The following KLF7 variants were observed in gnomAD, a reference collection of about 807,000 sequenced individuals.
KLF7 encodes Krueppel-like factor 7.
A neutral mutation model predicts 27.3 loss-of-function variants in KLF7; 2 were observed. The observed-to-expected ratio is 0.07, with a 90% CI of 0.03 to 0.23. The LOEUF is 0.23. Among genes scored for constraint, KLF7 ranks in the 10% least tolerant of loss-of-function variants. The probability of loss-of-function intolerance (pLI) is 1.00; values close to 1 mark genes in which losing one functional copy is unlikely to be tolerated. For missense variants in KLF7, 221 were observed against 394.1 expected (o/e 0.56, Z 3.72); for synonymous variants, 165 against 162.4 (o/e 1.02, Z -0.12).
upstream of KLF7, chr2:207,166,258 G>T: frequency 1.1e-6 from 1 of 889,426 alleles, no homozygotes; most frequent in Non-Finnish European, 1.3e-6. Context: ...AGAGCCTGGG[G>T]CGGGGCTTGG....
At chr2:207,097,940 C>T (rs2076670431) in intron 2 of KLF7, among the ~76,000 whole-genome samples, 1 of 152,064 alleles carries the variant, frequency 6.6e-6, no homozygotes, top group Admixed American at 6.5e-5. Context: ...TCCCCACCAC[C>T]CCGACACAAG....
intron 1 of KLF7, chr2:207,134,154 ATTTTT>A (rs35538720): frequency 1.1e-4 from 126 of 1,142,442 alleles, no homozygotes; most frequent in South Asian, 5.9e-4. Context: ...GGCTACTGGG[ATTTTT>A]TTTTTTTTTT....
chr2:207,110,394 T>C (rs2077002100), intron 2 of KLF7, among the ~76,000 whole-genome samples: 1 of 152,260 alleles, frequency 6.6e-6, no homozygotes, highest in Non-Finnish European at 1.5e-5. Flanking sequence ...GTTAATCTTC[T>C]TTTTGGTAAC....
At chr2:207,100,986 A>C (rs1027932475) in intron 2 of KLF7, among the ~76,000 whole-genome samples, 7 of 152,192 alleles carry the variant, frequency 4.6e-5, no homozygotes, top group African/African-American at 1.7e-4. Context: ...CACTGAATAC[A>C]ATGTTTGCTA....
intron 2 of KLF7, among the ~76,000 whole-genome samples, chr2:207,108,351 C>T (rs988462594): frequency 2.6e-5 from 4 of 152,026 alleles, no homozygotes; most frequent in South Asian, 2.1e-4. Context: ...CCAATTCTAA[C>T]GACTTATTAA....
At chr2:207,123,134 C>T (rs1197927554) in intron 2 of KLF7, among the ~76,000 whole-genome samples, 1 of 152,098 alleles carries the variant, frequency 6.6e-6, no homozygotes. Flanking sequence ...CTCCCCCACC[C>T]GCTCTTGCCA....
At chr2:207,125,920 T>C (rs931062522) in intron 1 of KLF7, among the ~76,000 whole-genome samples, 94 of 152,304 alleles carry the variant, frequency 6.2e-4, no homozygotes, top group African/African-American at 2.2e-3. Context: ...AGAAATGTGA[T>C]ACCAAAAAAT....
chr2:207,152,062 A>G (rs765165203), intron 1 of KLF7, among the ~76,000 whole-genome samples: 1 of 152,242 alleles, frequency 6.6e-6, no homozygotes, highest in African/African-American at 2.4e-5. Context: ...TGCCAAGGGT[A>G]GGAAGAAAAC....
intron 3 of KLF7, among the ~76,000 whole-genome samples, chr2:207,085,995 A>AC (rs1033077292): frequency 6.6e-6 from 1 of 151,862 alleles, no homozygotes; most frequent in African/African-American, 2.4e-5. Context: ...CCAAAAAAAA[A>AC]AAAAAAACCA....
chr2:207,117,730 C>T (rs1472947865), intron 2 of KLF7, among the ~76,000 whole-genome samples: 1 of 152,130 alleles, frequency 6.6e-6, no homozygotes, highest in Non-Finnish European at 1.5e-5. Flanking sequence ...ATTAGGGCTT[C>T]TATTTATATA....
chr2:207,119,773 G>A (rs2077286575), intron 2 of KLF7, among the ~76,000 whole-genome samples: 1 of 152,000 alleles, frequency 6.6e-6, no homozygotes, highest in African/African-American at 2.4e-5. Context: ...ACGCAATCTC[G>A]GCGCACTGCA....
chr2:207,171,407 ATAAGG>A (rs1414257714), upstream of KLF7, among the ~76,000 whole-genome samples: 1 of 152,234 alleles, frequency 6.6e-6, no homozygotes, highest in Non-Finnish European at 1.5e-5. Flanking sequence ...AAATGAGTTG[ATAAGG>A]TAATCACAGG....
intron 2 of KLF7, among the ~76,000 whole-genome samples, chr2:207,116,628 T>TA (rs143224144): frequency 0.018 from 2,746 of 152,286 alleles, 80 homozygotes; most frequent in African/African-American, 0.061. Flanking sequence ...TTAACACTCA[T>TA]ATTATAATAG....
chr2:207,114,655 T>A (rs939072073), intron 2 of KLF7, among the ~76,000 whole-genome samples: 1 of 152,194 alleles, frequency 6.6e-6, no homozygotes, highest in African/African-American at 2.4e-5. Context: ...TCATTTAACA[T>A]TGGCTTCAAT....
At position 207,081,011 on chromosome 2, in the gene KLF7, A is replaced by G. The variant is rs370556703; in HGVS notation, c.*202T>C. 1 of 574,672 alleles carries G rather than the reference A, an allele frequency of 1.7e-6. No individual in the cohort carries two copies. The highest frequency in any genetic ancestry group is 2.6e-5 in the South Asian group (1 of 39,168). 35.6% of individuals were successfully genotyped at this position (574,672 alleles called of 1,614,324 possible). On this transcript the variant is annotated 3_prime_UTR_variant, in exon 4 of 4. Transcript: ENST00000309446. ...GAATAGACGTATATATTTTAAATATAGTTGAGTGCATGACAGTGTGTATGT... is the reference window on the plus strand; with the variant it reads ...GAATAGACGTATATATTTTAAATATGGTTGAGTGCATGACAGTGTGTATGT...
chr2:207,124,544 G>T, intron 1 of KLF7, 140 bp from the exon 2 acceptor site: 1 of 770,648 alleles, frequency 1.3e-6, no homozygotes, highest in Non-Finnish European at 2.1e-6. Context: ...TAGAAGGTCT[G>T]ACCTTGTTAT....
chr2:207,151,615 T>A (rs1279636363), intron 1 of KLF7, among the ~76,000 whole-genome samples: 1 of 152,178 alleles, frequency 6.6e-6, no homozygotes, highest in Non-Finnish European at 1.5e-5. Flanking sequence ...ACATAATGTC[T>A]GCCTTTCCCT....
chr2:207,095,008 C>T (rs1354384531), intron 2 of KLF7, among the ~76,000 whole-genome samples: 1 of 144,870 alleles, frequency 6.9e-6, no homozygotes, highest in Non-Finnish European at 1.5e-5. Flanking sequence ...AGCATGCAAA[C>T]ATTTGCCCTA....
At position 207,081,031 on chromosome 2, in the gene KLF7, G is replaced by C. The variant is rs989852064; in HGVS notation, c.*182C>G. 9.1e-6 allele frequency: 6 copies of C among 657,064 alleles called. No homozygotes were observed. The African/African-American group carries it at 1.1e-4, about 12-fold the overall frequency. 40.7% of individuals were successfully genotyped at this position (657,064 alleles called of 1,614,324 possible). ...AATATAGTTGAGTGCATGACAGTGT[G>C]TATGTGTGTGGGTCTGTGAGTGTGT... is the stretch of plus-strand genomic sequence containing the variant. On this transcript the variant is annotated 3_prime_UTR_variant, in exon 4 of 4. Transcript: ENST00000309446.
Sources: gnomAD v4.1 joint callset for allele counts (sites outside exome capture counted in the v4.1 genomes callset) on GRCh38, gnomAD v4.1.1 for gene constraint, MANE v1.5 for transcripts, NCBI Gene and HGNC (gene_info 2026-07-23, HGNC 2026-07-21) for gene names.